The following USP3 variants were observed in gnomAD, a reference collection of about 807,000 sequenced individuals.
The protein encoded by USP3 is ubiquitin carboxyl-terminal hydrolase 3.
A neutral mutation model predicts 72.3 loss-of-function variants in USP3; 20 were observed. The ratio of observed to expected loss-of-function variants is 0.28; its 90% CI spans 0.19 to 0.40. The LOEUF is 0.40. Ranked by LOEUF, USP3 falls within the 10% of genes least tolerant of loss-of-function variation. The pLI is 1.00. For missense variants in USP3, 479 were observed against 633.9 expected (o/e 0.76, Z 2.62); for synonymous variants, 222 against 225.3 (o/e 0.99, Z 0.13).
chr15:63,583,617 G>C (rs1249570963), intron 11 of USP3, among the ~76,000 whole-genome samples: 2 of 152,092 alleles, frequency 1.3e-5, no homozygotes, highest in Non-Finnish European at 2.9e-5. Context: ...CAGAAACTCT[G>C]TACCCATTAA....
chr15:63,529,068 T>G lies in USP3; in HGVS notation c.92-3579T>G. ...TTATGCCCTCAGAGAGTACTGTATG[T>G]TGCCCAGGCTGGCCTCGAACTCTAG... On this transcript the variant is annotated intron_variant, in intron 1 of 14. Coordinates refer to ENST00000380324, the MANE Select transcript of USP3 (RefSeq NM_006537.4). This position sits in a 1 kb window ranked among gnomAD's most constrained non-coding sequence, Gnocchi z 4.2. 7.8e-7 allele frequency: 1 copy of G among 1,288,688 alleles called. No homozygotes were observed. Among genetic ancestry groups the G allele is most frequent in the Non-Finnish European group, 1.0e-6 (1 of 988,274 alleles). 79.8% of individuals were successfully genotyped at this position (1,288,688 alleles called of 1,614,324 possible).
intron 1 of USP3, among the ~76,000 whole-genome samples, chr15:63,524,840 A>G (rs1595712640): frequency 1.3e-5 from 2 of 152,308 alleles, no homozygotes; most frequent in East Asian, 3.9e-4. Flanking sequence ...GCAGGTTGAC[A>G]TAGAATCACT....
intron 1 of USP3, among the ~76,000 whole-genome samples, chr15:63,522,178 C>T (rs1015957957): frequency 2.0e-5 from 3 of 152,214 alleles, no homozygotes; most frequent in Admixed American, 6.5e-5. Context: ...GCCCAGTCCT[C>T]TCAGGCGATT....
chr15:63,521,005 C>T (rs2065913133), intron 1 of USP3, among the ~76,000 whole-genome samples: 1 of 152,158 alleles, frequency 6.6e-6, no homozygotes, highest in African/African-American at 2.4e-5. Flanking sequence ...GCCGCTCACT[C>T]CTACCCACCC....
rs554703189 is a variant in USP3, at chr15:63,541,789, A to G, written c.284+4633A>G. ...CTTTTCAGTATTACTGTCATTTATA[A>G]TAAAACCAGATGTCAAATTTGCCCG... On this transcript the variant is annotated intron_variant, in intron 3 of 14. Transcript: ENST00000380324. Among the ~76,000 whole-genome samples, 12 of 152,264 alleles carry G rather than the reference A, an allele frequency of 7.9e-5. No individual in the cohort carries two copies. In the South Asian group the frequency reaches 2.5e-3, roughly 32 times the overall value.
intron 1 of USP3, among the ~76,000 whole-genome samples, chr15:63,512,266 C>CTCT (rs1318789589): frequency 6.6e-6 from 1 of 151,224 alleles, no homozygotes; most frequent in Non-Finnish European, 1.5e-5. Context: ...CAGATTTCCC[C>CTCT]TCTTCTTCTT....
At chr15:63,546,225 C>G (rs1466221854) in intron 3 of USP3, among the ~76,000 whole-genome samples, 1 of 151,994 alleles carries the variant, frequency 6.6e-6, no homozygotes, top group Non-Finnish European at 1.5e-5. Flanking sequence ...TTTCTCAGTG[C>G]CAGTAGTATA....
rs978473561 is a variant in USP3, at chr15:63,592,230, T to G, written c.*1404T>G. The G allele has an allele frequency of 6.6e-6, 1 of 151,922 alleles. No homozygotes were observed. The highest frequency in any genetic ancestry group is 2.4e-5 in the African/African-American group (1 of 41,364). The allele number at this position is 151,922 out of a possible 1,614,324, so 9.4% of individuals were successfully genotyped here. A position where few individuals can be genotyped will look rare whatever the true frequency, so the allele number is the denominator to read the frequency against. On this transcript the variant is annotated 3_prime_UTR_variant, in exon 15 of 15. Coordinates refer to ENST00000380324, the MANE Select transcript of USP3 (RefSeq NM_006537.4). Reference sequence around the variant, plus strand: ...GCCATCACGCCCAGACAGTTTTGTTTTTAAAAAACAGATTTAACTCAAAGA... The same window carrying G: ...GCCATCACGCCCAGACAGTTTTGTTGTTAAAAAACAGATTTAACTCAAAGA...
At chr15:63,540,497 G>A (rs752011759) in intron 3 of USP3, among the ~76,000 whole-genome samples, 3 of 152,166 alleles carry the variant, frequency 2.0e-5, no homozygotes, top group African/African-American at 4.8e-5. Flanking sequence ...TCAGAAATGG[G>A]GAAGGTTACA....
chr15:63,513,068 C>G (rs1435321265), intron 1 of USP3, among the ~76,000 whole-genome samples: 2 of 152,142 alleles, frequency 1.3e-5, no homozygotes, highest in Admixed American at 1.3e-4. Flanking sequence ...CTTTAGAATC[C>G]AGTAGCTCTA....
intron 11 of USP3, among the ~76,000 whole-genome samples, chr15:63,586,445 C>G (rs974506313): frequency 3.9e-5 from 6 of 152,198 alleles, no homozygotes; most frequent in Admixed American, 3.9e-4. Context: ...GCTGTCCCCG[C>G]CAAGGCCATA....
chr15:63,585,363 A>G (rs1440585764), intron 11 of USP3, among the ~76,000 whole-genome samples: 1 of 152,188 alleles, frequency 6.6e-6, no homozygotes, highest in Non-Finnish European at 1.5e-5. Context: ...CTATGAATGC[A>G]GGATGTCTTT....
At chr15:63,581,979 T>A (rs995465642) in intron 11 of USP3, among the ~76,000 whole-genome samples, 5 of 152,222 alleles carry the variant, frequency 3.3e-5, no homozygotes, top group African/African-American at 1.2e-4. Flanking sequence ...CCACTATGCC[T>A]GGCCTGTATG....
At chr15:63,560,715 G>A (rs1478129985) in intron 7 of USP3, among the ~76,000 whole-genome samples, 1 of 152,102 alleles carries the variant, frequency 6.6e-6, no homozygotes, top group Non-Finnish European at 1.5e-5. Context: ...ACGGACAAGT[G>A]CTCATTAAGA....
chr15:63,578,404 A>AT (rs894354883), intron 11 of USP3, among the ~76,000 whole-genome samples: 4 of 151,656 alleles, frequency 2.6e-5, no homozygotes, highest in African/African-American at 9.7e-5. Flanking sequence ...GGAGATAGAG[A>AT]CCATCCTGGC....
intron 7 of USP3, among the ~76,000 whole-genome samples, chr15:63,562,438 GA>G (rs1389618361): frequency 1.3e-5 from 2 of 152,202 alleles, no homozygotes; most frequent in Non-Finnish European, 2.9e-5. Flanking sequence ...TTTTGGAGTT[GA>G]GAGTCACTGG....
chr15:63,510,211 A>G (rs148768551), intron 1 of USP3, among the ~76,000 whole-genome samples: 1 of 152,306 alleles, frequency 6.6e-6, no homozygotes, highest in East Asian at 1.9e-4. Flanking sequence ...CAGTGAGTAG[A>G]CCAGTGAGTA....
chr15:63,583,070 G>A (rs1333395663), intron 11 of USP3, among the ~76,000 whole-genome samples: 4 of 152,098 alleles, frequency 2.6e-5, no homozygotes, highest in African/African-American at 9.7e-5. Context: ...TTCCACACAC[G>A]GGGAGACCCC....
At chr15:63,532,515 C>A in intron 1 of USP3, 132 bp from the exon 2 acceptor site, 1 of 1,025,146 alleles carries the variant, frequency 9.8e-7, no homozygotes, top group Non-Finnish European at 1.5e-6. Context: ...TAAATGCATT[C>A]ACAAAGCACG....
Sources: gnomAD v4.1 joint callset for allele counts (sites outside exome capture counted in the v4.1 genomes callset) on GRCh38, gnomAD v4.1.1 for gene constraint, Gnocchi (gnomAD v3.1) non-coding constraint, MANE v1.5 for transcripts, NCBI Gene and HGNC (gene_info 2026-07-23, HGNC 2026-07-21) for gene names.